PNPLA7: variants seen among roughly 807,000 people sequenced by gnomAD.
PNPLA7 encodes the protein patatin like domain 7, lysophospholipase, also known as patatin-like phospholipase domain-containing protein 7.
PNPLA7 carries 153 observed loss-of-function variants against 161.7 expected under a neutral mutation model. The observed-to-expected ratio is 0.95, with a 90% confidence interval of 0.83 to 1.08. The LOEUF (loss-of-function observed/expected upper bound fraction) is 1.08. Ranked by LOEUF, PNPLA7 falls within the 50% of genes least tolerant of loss-of-function variation. The pLI, the probability that PNPLA7 is intolerant of heterozygous loss-of-function variation, is 0.00. For synonymous variants in PNPLA7, 809 were observed against 782.1 expected (o/e 1.03, Z -0.57); for missense variants, 1,739 against 1,856.6 (o/e 0.94, Z 1.16).
chr9:137,494,925 G>A (rs1462383072), intron 19 of PNPLA7, 108 bp downstream of exon 19: 15 of 1,014,538 alleles, frequency 1.5e-5, no homozygotes, highest in Admixed American at 7.9e-5. Flanking sequence ...CACCTGCTCC[G>A]CGCCCTCACC....
chr9:137,467,210 G>A lies in PNPLA7; in HGVS notation c.3039+107C>T, dbSNP rs560493102. 3.2e-5 allele frequency: 46 copies of A among 1,416,044 alleles called. No individual in the cohort carries two copies. The South Asian group carries it at 6.4e-4, about 20-fold the overall frequency. The allele number at this position is 1,416,044 out of a possible 1,614,324, so 87.7% of individuals were successfully genotyped here. A position where few individuals can be genotyped will look rare whatever the true frequency, so the allele number is the denominator to read the frequency against. ...GCTTCAGGGGGTAGCCTCCTCGAGG[G>A]CAGGGCCCTGCAGAGCCACATGCAG... On this transcript the variant is annotated intron_variant, in intron 26 of 34. Coordinates refer to ENST00000406427, the MANE Select transcript of PNPLA7 (RefSeq NM_001098537.3). This position sits in a 1 kb window ranked among gnomAD's most constrained non-coding sequence, Gnocchi z 5.1.
At chr9:137,519,608 G>T (rs913286648) in intron 11 of PNPLA7, among the ~76,000 whole-genome samples, 1 of 152,110 alleles carries the variant, frequency 6.6e-6, no homozygotes, top group Non-Finnish European at 1.5e-5. Context: ...CGCATGTGAG[G>T]AGATGGGGAC....
intron 26 of PNPLA7, among the ~76,000 whole-genome samples, chr9:137,465,297 C>T (rs974849021): frequency 9.2e-5 from 14 of 152,192 alleles, no homozygotes; most frequent in African/African-American, 3.1e-4. Context: ...CTCTCCTCAG[C>T]ATGAGGGGCA....
chr9:137,488,359 C>T (rs1007407340), intron 20 of PNPLA7, among the ~76,000 whole-genome samples: 2 of 152,186 alleles, frequency 1.3e-5, no homozygotes, highest in African/African-American at 2.4e-5. Context: ...TCATTTGAGG[C>T]GGAATGGGGG....
rs576206692 is a variant in PNPLA7, at chr9:137,522,076, T to C, written c.877-360A>G. ...ACATTCATTTTTATTTTAAGATATATATTACAATTTTTTTTTGACATGGTG... is the reference window on the plus strand; with the variant it reads ...ACATTCATTTTTATTTTAAGATATACATTACAATTTTTTTTTGACATGGTG... On this transcript the variant is annotated intron_variant, in intron 9 of 34. Transcript: ENST00000406427. Among the ~76,000 whole-genome samples the C allele has an allele frequency of 3.3e-5, 5 of 152,324 alleles. No individual in the cohort carries two copies. The South Asian group carries it at 6.2e-4, about 19-fold the overall frequency.
chr9:137,530,850 A>G (rs1835547464), intron 8 of PNPLA7, among the ~76,000 whole-genome samples: 1 of 152,108 alleles, frequency 6.6e-6, no homozygotes, highest in African/African-American at 2.4e-5. Context: ...ATTCCAATGT[A>G]CCTTCCTGCA....
chr9:137,461,934 A>C lies in PNPLA7; in HGVS notation c.3753T>G (p.Ser1251Arg). Residue 1251 changes from serine (S) to arginine (R), a missense_variant, in exon 32 of 35, where the codon AGT becomes AGG. By Grantham distance (110) the Ser-to-Arg change is moderately radical. Coordinates refer to ENST00000406427, the MANE Select transcript of PNPLA7 (RefSeq NM_001098537.3). ...TGGTCCGGACGCCCGTACTCACCGC[A>C]CTCGCGGGCTTCTTGCTCGGCCCCT... is the stretch of plus-strand genomic sequence containing the variant. Reference protein sequence around the residue: ...DQQGPSKKPASAVLTCPNASF... With the variant: ...DQQGPSKKPARAVLTCPNASF... The C allele has an allele frequency of 6.4e-7, 1 of 1,568,526 alleles. No homozygotes were observed. The highest frequency in any genetic ancestry group is 8.6e-7 in the Non-Finnish European group (1 of 1,162,508).
At chr9:137,484,446 G>T in intron 21 of PNPLA7, 141 bp downstream of exon 21, 2 of 852,990 alleles carry the variant, frequency 2.3e-6, no homozygotes, top group Admixed American at 3.8e-5. Flanking sequence ...CCAGCAATTT[G>T]GAAACACTAC....
intron 12 of PNPLA7, among the ~76,000 whole-genome samples, chr9:137,508,173 T>C (rs1834019862): frequency 2.6e-5 from 4 of 151,174 alleles, no homozygotes; most frequent in African/African-American, 7.3e-5. Context: ...CTGCAGTGAG[T>C]TGTGATTTCA....
intron 21 of PNPLA7, among the ~76,000 whole-genome samples, chr9:137,484,029 G>A (rs185421422): frequency 4.6e-5 from 7 of 151,928 alleles, no homozygotes; most frequent in Non-Finnish European, 7.4e-5. Flanking sequence ...TCTATCTCCC[G>A]GGTTCAAGCG....
At chr9:137,506,253 C>A (rs1833916642) in intron 12 of PNPLA7, among the ~76,000 whole-genome samples, 170 bp from the exon 13 acceptor site, 3 of 152,232 alleles carry the variant, frequency 2.0e-5, no homozygotes, top group Non-Finnish European at 4.4e-5. Flanking sequence ...GCATCTGCCT[C>A]AATGGCTCTG....
chr9:137,550,112 TCCAGAAATG>T, intron 1 of PNPLA7, 47 bp downstream of exon 1: 8 of 1,607,360 alleles, frequency 5.0e-6, no homozygotes, highest in Non-Finnish European at 6.8e-6. Flanking sequence ...CTTCTCTGGG[TCCAGAAATG>T]CCCCCCAACT....
intron 25 of PNPLA7, among the ~76,000 whole-genome samples, chr9:137,470,009 A>C (rs1831638903): frequency 6.6e-6 from 1 of 152,208 alleles, no homozygotes; most frequent in Non-Finnish European, 1.5e-5. Flanking sequence ...TAAAGATTAA[A>C]TAAATTTAAT....
intron 20 of PNPLA7, among the ~76,000 whole-genome samples, chr9:137,489,137 C>A (rs1247564116): frequency 1.3e-5 from 2 of 152,182 alleles, no homozygotes; most frequent in Non-Finnish European, 2.9e-5. Flanking sequence ...GAGGCCCCAC[C>A]TCCTGCCAAC....
intron 14 of PNPLA7, 106 bp from the exon 15 acceptor site, chr9:137,501,833 G>A (rs1833442503): frequency 8.4e-7 from 1 of 1,190,620 alleles, no homozygotes; most frequent in Non-Finnish European, 1.2e-6. Context: ...GGTGAGGCCA[G>A]AGGCCGGGCA....
intron 21 of PNPLA7, among the ~76,000 whole-genome samples, chr9:137,484,206 C>T (rs1453959653): frequency 6.6e-6 from 1 of 152,190 alleles, no homozygotes; most frequent in Admixed American, 6.6e-5. Context: ...GCATGAGCCA[C>T]CGCGCCCGAC....
At position 137,472,426 on chromosome 9, in the gene PNPLA7, G is replaced by A. The variant is rs190038827; in HGVS notation, c.2883-4953C>T. Among the ~76,000 whole-genome samples, 480 of 151,384 alleles carry A rather than the reference G, an allele frequency of 3.2e-3. 4 individuals carry two copies. The highest frequency in any genetic ancestry group is 3.4e-3 in the African/African-American group (140 of 41,330). ...AGCACTTTGGGAGGCCGAGGTGGGC[G>A]GATCACTTGAGGTCAGGAGATCAAG... On this transcript the variant is annotated intron_variant, in intron 25 of 34. Transcript: ENST00000406427.
chr9:137,512,713 G>A (rs1325969614), intron 12 of PNPLA7, among the ~76,000 whole-genome samples: 1 of 152,102 alleles, frequency 6.6e-6, no homozygotes, highest in African/African-American at 2.4e-5. Flanking sequence ...GCTGAGGCAG[G>A]AGGATCACTT....
intron 20 of PNPLA7, among the ~76,000 whole-genome samples, chr9:137,492,508 C>CT (rs1359453387): frequency 7.9e-5 from 1 of 12,582 alleles, no homozygotes; most frequent in East Asian, 7.1e-3. Context: ...GGGGCATGGG[C>CT]GGGTGGGTGG....
Sources: allele counts gnomAD v4.1 joint callset (sites outside exome capture counted in the v4.1 genomes callset), GRCh38; gene constraint gnomAD v4.1.1; non-coding constraint Gnocchi (gnomAD v3.1); transcripts MANE v1.5; gene names NCBI Gene and HGNC (gene_info 2026-07-23, HGNC 2026-07-21).